ZNF106: variants seen among roughly 807,000 people sequenced by gnomAD.
ZNF106 encodes the protein zinc finger protein 106.
In ZNF106, 67 loss-of-function variants were observed where a neutral mutation model predicts 195.1. The observed-to-expected ratio is 0.34, with a 90% CI of 0.28 to 0.42. ZNF106 has a LOEUF of 0.42. Among genes scored for constraint, ZNF106 ranks in the 10% least tolerant of loss-of-function variants. The pLI is 1.00. For synonymous variants in ZNF106, 784 were observed against 818.6 expected, an observed-to-expected ratio of 0.96 and a Z score of 0.72; for missense variants, 2,118 against 2,304.5, an observed-to-expected ratio of 0.92 and a Z score of 1.66.
At chr15:42,488,904 C>T (rs2057073243) in intron 1 of ZNF106, among the ~76,000 whole-genome samples, 2 of 151,816 alleles carry the variant, frequency 1.3e-5, no homozygotes, top group Admixed American at 1.3e-4. Context: ...TGGTGAAACC[C>T]CGTCTCTATT....
chr15:42,473,583 T>C (rs137918028), intron 1 of ZNF106, among the ~76,000 whole-genome samples: 22 of 152,324 alleles, frequency 1.4e-4, no homozygotes, highest in African/African-American at 4.6e-4. Context: ...ATCTAAAATA[T>C]TGCCTTATGG....
At chr15:42,421,000 A>T (rs2054632967) in intron 20 of ZNF106, 61 bp downstream of exon 20, 3 of 1,405,412 alleles carry the variant, frequency 2.1e-6, no homozygotes, top group Admixed American at 3.4e-5. Context: ...AAGATCTATC[A>T]ATTAGCCTAG....
At chr15:42,418,188 T>C (rs933376276) in intron 20 of ZNF106, among the ~76,000 whole-genome samples, 18 of 152,188 alleles carry the variant, frequency 1.2e-4, no homozygotes, top group African/African-American at 4.3e-4. Flanking sequence ...AGCACTAACG[T>C]AGCAATTACA....
At chr15:42,459,854 T>C (rs2056346028) in intron 3 of ZNF106, among the ~76,000 whole-genome samples, 1 of 151,504 alleles carries the variant, frequency 6.6e-6, no homozygotes, top group South Asian at 2.1e-4. Context: ...GGCTGGCCAA[T>C]ACGGTGAAAC....
intron 1 of ZNF106, among the ~76,000 whole-genome samples, chr15:42,489,419 C>T (rs1262915075): frequency 2.0e-5 from 3 of 151,942 alleles, no homozygotes; most frequent in Non-Finnish European, 4.4e-5. Context: ...TCAGGTGATC[C>T]GCCCGCCTCG....
intron 17 of ZNF106, among the ~76,000 whole-genome samples, chr15:42,423,213 T>C (rs2054732273): frequency 6.6e-6 from 1 of 151,650 alleles, no homozygotes. Context: ...ACAAAAAATA[T>C]AAAAAAATTA....
intron 4 of ZNF106, among the ~76,000 whole-genome samples, chr15:42,454,013 C>T (rs1316130795): frequency 1.3e-5 from 2 of 152,192 alleles, no homozygotes; most frequent in Non-Finnish European, 2.9e-5. Context: ...CAGCCAGAGT[C>T]TATACTCTTA....
At chr15:42,454,313 A>T (rs2056155731) in intron 4 of ZNF106, among the ~76,000 whole-genome samples, 1 of 151,764 alleles carries the variant, frequency 6.6e-6, no homozygotes, top group Non-Finnish European at 1.5e-5. Context: ...GCAGTAGCAG[A>T]ATTTTTTTAT....
chr15:42,468,066 GC>G (rs2056566187), intron 2 of ZNF106, among the ~76,000 whole-genome samples: 1 of 128,408 alleles, frequency 7.8e-6, no homozygotes, highest in African/African-American at 3.0e-5. Context: ...GATTCAAAAC[GC>G]CTTTTTTTTT....
At chr15:42,453,620 G>A (rs1419378871) in intron 4 of ZNF106, among the ~76,000 whole-genome samples, 2 of 150,074 alleles carry the variant, frequency 1.3e-5, no homozygotes, top group African/African-American at 2.5e-5. Flanking sequence ...TTTGGAGATG[G>A]AGTCTCGCTT....
intron 4 of ZNF106, among the ~76,000 whole-genome samples, chr15:42,455,634 G>A (rs915293988): frequency 7.9e-5 from 12 of 152,038 alleles, no homozygotes; most frequent in Non-Finnish European, 1.5e-4. Flanking sequence ...CCCTGGCCTC[G>A]TCTCCTCATG....
intron 12 of ZNF106, among the ~76,000 whole-genome samples, chr15:42,437,596 AAGAT>A (rs1396313801): frequency 3.3e-5 from 5 of 152,140 alleles, no homozygotes; most frequent in African/African-American, 7.2e-5. Flanking sequence ...ACTTAGGAAA[AAGAT>A]AGATAATTAT....
At chr15:42,441,888 T>G in intron 10 of ZNF106, 185 bp downstream of exon 10, 77 of 426,324 alleles carry the variant, frequency 1.8e-4, no homozygotes, top group Middle Eastern at 6.0e-4. Context: ...ATGACTGATA[T>G]TTAAATTACA....
At chr15:42,463,107 A>C (rs1228236807) in intron 3 of ZNF106, among the ~76,000 whole-genome samples, 2 of 152,028 alleles carry the variant, frequency 1.3e-5, no homozygotes, top group Non-Finnish European at 2.9e-5. Context: ...CCAAACTTTT[A>C]AAAATGTTTT....
In ZNF106 at chr15:42,415,249, G is replaced by A; in HGVS notation, c.*2055C>T. The A allele has an allele frequency of 3.3e-6, 1 of 299,978 alleles. No homozygotes were observed. Among genetic ancestry groups the A allele is most frequent in the South Asian group, 2.8e-5 (1 of 35,174 alleles). 18.6% of individuals were successfully genotyped at this position (299,978 alleles called of 1,614,324 possible). The stretch of plus-strand genomic sequence containing the variant: ...TGATTCTCCTGTCTCAGCCTCCTGA[G>A]TAGCTGAGACTACAGGCACATACCA... On this transcript the variant is annotated 3_prime_UTR_variant, in exon 22 of 22. Transcript: ENST00000564754.
In ZNF106 at chr15:42,445,077, G is replaced by C. The variant is rs113465938; in HGVS notation, c.3206-96C>G. 295 of 1,404,474 alleles carry C rather than the reference G, an allele frequency of 2.1e-4. No individual in the cohort carries two copies. In the African/African-American group the frequency reaches 3.5e-3, roughly 17 times the overall value. The allele number at this position is 1,404,474 out of a possible 1,614,324, so 87.0% of individuals were successfully genotyped here. ...AAACTATACCCATTATTTAGGATAAGACTTTATGTTCTCCTCAGTAGGTCA... is the reference window on the plus strand; with the variant it reads ...AAACTATACCCATTATTTAGGATAACACTTTATGTTCTCCTCAGTAGGTCA... On this transcript the variant is annotated intron_variant, in intron 7 of 21. Transcript: ENST00000564754.
chr15:42,444,199 T>C lies in ZNF106; in HGVS notation c.3421+3A>G. 6.4e-7 allele frequency: 1 copy of C among 1,567,726 alleles called. No homozygotes were observed. Among genetic ancestry groups the C allele is most frequent in the Non-Finnish European group, 8.7e-7 (1 of 1,151,400 alleles). On this transcript the variant is annotated splice_donor_region_variant and intron_variant, in intron 9 of 21. Coordinates refer to ENST00000564754, the MANE Select transcript of ZNF106 (RefSeq NM_001366845.3). ...CCCAATCCATCAGATGCCCTCTGAA[T>C]ACCTTGTAATCCCTGTAGAATCTGT...
At chr15:42,462,559 T>C (rs1193211459) in intron 3 of ZNF106, among the ~76,000 whole-genome samples, 2 of 152,002 alleles carry the variant, frequency 1.3e-5, no homozygotes, top group Admixed American at 6.6e-5. Flanking sequence ...GATCACACCA[T>C]TGCACTCCAG....
Position 42,463,286 on chromosome 15 carries a change from A to T in ZNF106, c.116+2767T>A, listed in dbSNP as rs899640548. ...CCATAATAAAATGAACTCTAGAAGG[A>T]AGTCTGTTGAAAATGGGATTTTTAA... On this transcript the variant is annotated intron_variant, in intron 3 of 21. Transcript: ENST00000564754. 4.6e-5 allele frequency among the ~76,000 whole-genome samples: 7 copies of T among 152,154 alleles called. No homozygotes were observed. In the East Asian group the frequency reaches 1.3e-3, roughly 29 times the overall value.
Sources: gnomAD v4.1 joint callset for allele counts (sites outside exome capture counted in the v4.1 genomes callset) on GRCh38, gnomAD v4.1.1 for gene constraint, MANE v1.5 for transcripts, NCBI Gene and HGNC (gene_info 2026-07-23, HGNC 2026-07-21) for gene names.